WWTR1: variants seen among roughly 807,000 people sequenced by gnomAD.
The protein encoded by WWTR1 is WW domain containing transcription regulator 1.
Under a neutral mutation model 40.1 loss-of-function variants are expected in WWTR1, and 13 were observed. The ratio of observed to expected loss-of-function variants is 0.32; its 90% confidence interval spans 0.21 to 0.52. The LOEUF (loss-of-function observed/expected upper bound fraction) is 0.52. Among genes scored for constraint, WWTR1 ranks in the 20% least tolerant of loss-of-function variants. WWTR1 has a pLI of 0.97. For missense variants in WWTR1, 436 were observed against 523.1 expected, an observed-to-expected ratio of 0.83 and a Z score of 1.63; for synonymous variants, 230 against 210.1, an observed-to-expected ratio of 1.09 and a Z score of -0.82.
At chr3:149,694,243 A>G (rs963746285) in intron 1 of WWTR1, among the ~76,000 whole-genome samples, 6 of 152,126 alleles carry the variant, frequency 3.9e-5, no homozygotes, top group African/African-American at 1.4e-4. Context: ...AATACAAAAA[A>G]ATTAGCTGGG....
intron 3 of WWTR1, among the ~76,000 whole-genome samples, chr3:149,543,597 A>AAAAAG (rs1553789348): frequency 0.021 from 3,093 of 146,520 alleles, 72 homozygotes; most frequent in South Asian, 0.037. Flanking sequence ...AAAAAAAAAA[A>AAAAAG]AAAAAAGAAC....
At chr3:149,587,314 ATT>A (rs886218375) in intron 2 of WWTR1, among the ~76,000 whole-genome samples, 1 of 149,828 alleles carries the variant, frequency 6.7e-6, no homozygotes. Flanking sequence ...AAAAAGTTTG[ATT>A]TTTTTTTTCC....
Position 149,656,918 on chromosome 3 carries a change from C to A in WWTR1, c.389G>T (p.Trp130Leu). Residue 130 changes from tryptophan (W) to leucine (L), a missense_variant, in exon 2 of 7, where the codon TGG (tryptophan) becomes TTG (leucine). Coordinates refer to ENST00000360632, the MANE Select transcript of WWTR1 (RefSeq NM_015472.6). ...VTDELPLPPG[W>L]EMTFTATGQR... ...GCCAGTGGCCGTGAAGGTCATCTCCCAGCCCGGGGGCAGTGGCAGCTCGTC... is the reference window on the plus strand; with the variant it reads ...GCCAGTGGCCGTGAAGGTCATCTCCAAGCCCGGGGGCAGTGGCAGCTCGTC... 6.4e-7 allele frequency: 1 copy of A among 1,557,140 alleles called. No homozygotes were observed. Among genetic ancestry groups the A allele is most frequent in the Non-Finnish European group, 8.6e-7 (1 of 1,156,772 alleles).
At chr3:149,668,023 C>T (rs1412720191) in intron 2 of WWTR1, among the ~76,000 whole-genome samples, 3 of 152,134 alleles carry the variant, frequency 2.0e-5, no homozygotes, top group African/African-American at 2.4e-5. Context: ...GCTTATCCCT[C>T]GTATAGATTG....
rs1159229629 is a variant in WWTR1 at position 149,693,733 on chromosome 3, T to C, written c.-108+9391A>G. Reference sequence around the variant, plus strand: ...ATTTTCAACAAAGGTACCAAGAACATACACTGGGGAAAGGACAGTCTCTTC... The same window carrying C: ...ATTTTCAACAAAGGTACCAAGAACACACACTGGGGAAAGGACAGTCTCTTC... On this transcript the variant is annotated intron_variant, in intron 1 of 7. Transcript: ENST00000465804. 4.6e-5 allele frequency among the ~76,000 whole-genome samples: 7 copies of C among 152,198 alleles called. No individual in the cohort carries two copies. The South Asian group carries it at 1.2e-3, about 27-fold the overall frequency.
chr3:149,603,853 C>CAAAAAAAAAAAAAAAAAAAAAAAAAA (rs1446886941), intron 2 of WWTR1, among the ~76,000 whole-genome samples: 1 of 80,914 alleles, frequency 1.2e-5, no homozygotes, highest in Non-Finnish European at 3.0e-5. Context: ...AAGCGGCATA[C>CAAAAAAAAAAAAAAAAAAAAAAAAAA]CAAAAAAAAA....
At chr3:149,663,705 T>A (rs539320516) in intron 2 of WWTR1, among the ~76,000 whole-genome samples, 81 of 151,990 alleles carry the variant, frequency 5.3e-4, no homozygotes, top group African/African-American at 1.9e-3. Flanking sequence ...TAAAAAAAAA[T>A]TTTCTTATGA....
chr3:149,665,227 C>CTTTTTTT lies in WWTR1; in HGVS notation c.-4+4554_-4+4560dup, dbSNP rs11398199. ...GGGAAATTAGAAATTTCCTTTCTTT[C>CTTTTTTT]TTTTTTTTTTTTTTTTTGAGACAGA... On this transcript the variant is annotated intron_variant, in intron 2 of 7. Transcript: ENST00000465804. 1.6e-4 allele frequency among the ~76,000 whole-genome samples: 20 copies of CTTTTTTT among 128,248 alleles called. 1 individual carries two copies. Among genetic ancestry groups the CTTTTTTT allele is most frequent in the African/African-American group, 4.7e-4 (16 of 34,304 alleles). 84.1% of individuals were successfully genotyped at this position (128,248 alleles called of 152,430 possible).
intron 1 of WWTR1, among the ~76,000 whole-genome samples, chr3:149,678,916 C>T (rs112206921): frequency 0.011 from 1,685 of 151,776 alleles, 30 homozygotes; most frequent in African/African-American, 0.039. Context: ...CTGCAACCTC[C>T]GCCTCCCAGT....
chr3:149,602,367 G>T (rs1239652890), intron 2 of WWTR1, among the ~76,000 whole-genome samples: 2 of 152,174 alleles, frequency 1.3e-5, no homozygotes, highest in Non-Finnish European at 2.9e-5. Flanking sequence ...AATAAGCAAA[G>T]CTATGTGAAC....
At chr3:149,630,448 C>G (rs1576609316) in intron 2 of WWTR1, among the ~76,000 whole-genome samples, 2 of 152,196 alleles carry the variant, frequency 1.3e-5, no homozygotes, top group South Asian at 4.1e-4. Flanking sequence ...TGTTTCCACT[C>G]TCCTAGCTGG....
At chr3:149,662,048 C>A (rs897970680), upstream of WWTR1, among the ~76,000 whole-genome samples, 1 of 152,152 alleles carries the variant, frequency 6.6e-6, no homozygotes, top group Non-Finnish European at 1.5e-5. Context: ...GCTCTTAACA[C>A]AAAGCCTGCT....
chr3:149,548,138 C>A (rs1026859926), intron 3 of WWTR1, among the ~76,000 whole-genome samples: 16 of 152,074 alleles, frequency 1.1e-4, no homozygotes, highest in African/African-American at 3.6e-4. Flanking sequence ...GTCATTTCTA[C>A]AAAGCTCTAA....
intron 3 of WWTR1, among the ~76,000 whole-genome samples, chr3:149,548,606 C>T (rs779828640): frequency 1.3e-5 from 2 of 152,206 alleles, no homozygotes; most frequent in Non-Finnish European, 2.9e-5. Context: ...ATGGAAAGAA[C>T]AGCTGGCGCC....
intron 3 of WWTR1, among the ~76,000 whole-genome samples, chr3:149,554,134 T>C (rs1377090678): frequency 6.6e-6 from 1 of 152,188 alleles, no homozygotes; most frequent in Non-Finnish European, 1.5e-5. Flanking sequence ...GAAGTTGTAC[T>C]ATCCCAACTT....
At chr3:149,705,432 A>G (rs559841606), upstream of WWTR1, among the ~76,000 whole-genome samples, 7 of 152,358 alleles carry the variant, frequency 4.6e-5, no homozygotes, top group African/African-American at 1.7e-4. Context: ...GTCAGAAAAC[A>G]ATATGAGATA....
chr3:149,580,733 C>T (rs913184621), intron 2 of WWTR1, among the ~76,000 whole-genome samples: 11 of 152,220 alleles, frequency 7.2e-5, no homozygotes, highest in Admixed American at 5.9e-4. Flanking sequence ...CTCCTTTAGC[C>T]TCCCAAGTAG....
At chr3:149,570,963 T>C (rs891923256) in intron 3 of WWTR1, among the ~76,000 whole-genome samples, 5 of 152,176 alleles carry the variant, frequency 3.3e-5, no homozygotes, top group African/African-American at 1.2e-4. Flanking sequence ...TAGGAGTTAG[T>C]TAAATAAACT....
At chr3:149,637,136 A>G (rs1258037726) in intron 2 of WWTR1, among the ~76,000 whole-genome samples, 3 of 152,090 alleles carry the variant, frequency 2.0e-5, no homozygotes, top group Non-Finnish European at 2.9e-5. Context: ...TTTCACATCA[A>G]ACTTGCTATA....
Sources: gnomAD v4.1 joint callset for allele counts (sites outside exome capture counted in the v4.1 genomes callset) on GRCh38, gnomAD v4.1.1 for gene constraint, MANE v1.5 for transcripts, NCBI Gene and HGNC (gene_info 2026-07-23, HGNC 2026-07-21) for gene names.